Variants in LAPTM4B observed in about 807,000 individuals in gnomAD.
LAPTM4B encodes lysosomal protein transmembrane 4 beta.
A neutral mutation model predicts 28.5 loss-of-function variants in LAPTM4B; 26 were observed. The ratio of observed to expected loss-of-function variants is 0.91; its 90% CI spans 0.67 to 1.27. The LOEUF (loss-of-function observed/expected upper bound fraction) is 1.27, where lower values mean the gene tolerates loss of function less well. Ranked by LOEUF, LAPTM4B falls within the 50% of genes most tolerant of loss-of-function variation. The pLI, the probability that LAPTM4B is intolerant of heterozygous loss-of-function variation, is 0.00. For missense variants in LAPTM4B, 288 were observed against 285.8 expected (o/e 1.01, Z -0.06); for synonymous variants, 109 against 106.4 (o/e 1.02, Z -0.15).
At chr8:97,797,648 C>T (rs1332314503) in intron 1 of LAPTM4B, among the ~76,000 whole-genome samples, 2 of 152,012 alleles carry the variant, frequency 1.3e-5, no homozygotes, top group Non-Finnish European at 2.9e-5. Flanking sequence ...AATTTCTGAT[C>T]GTTGTTTAAT....
chr8:97,789,651 G>A (rs1012343878), intron 1 of LAPTM4B, among the ~76,000 whole-genome samples: 1 of 151,632 alleles, frequency 6.6e-6, no homozygotes, highest in African/African-American at 2.4e-5. Flanking sequence ...CCGAGTAGCT[G>A]GGATTACAGG....
intron 6 of LAPTM4B, among the ~76,000 whole-genome samples, chr8:97,835,463 G>A (rs1325191393): frequency 2.0e-5 from 3 of 152,184 alleles, no homozygotes; most frequent in Admixed American, 6.5e-5. Flanking sequence ...AAAGGAATGC[G>A]TAACGCAGAA....
chr8:97,831,881 G>C (rs1817188798), intron 6 of LAPTM4B, among the ~76,000 whole-genome samples: 1 of 152,190 alleles, frequency 6.6e-6, no homozygotes, highest in Non-Finnish European at 1.5e-5. Flanking sequence ...GGCTTTGGCT[G>C]TAAGGAGGGC....
At chr8:97,776,151 C>T (rs761326043) in intron 1 of LAPTM4B, 43 bp downstream of exon 1, 5 of 1,503,326 alleles carry the variant, frequency 3.3e-6, no homozygotes, top group East Asian at 5.3e-5. Context: ...GTTGCTTCCG[C>T]GCCCCTAGCT....
At chr8:97,842,825 G>C (rs2129849781) in intron 6 of LAPTM4B, among the ~76,000 whole-genome samples, 1 of 148,204 alleles carries the variant, frequency 6.7e-6, no homozygotes, top group Middle Eastern at 4.4e-3. Context: ...CCTAATCTTT[G>C]GGGTTTTTGT....
intron 6 of LAPTM4B, among the ~76,000 whole-genome samples, chr8:97,833,204 C>T (rs546491224): frequency 8.6e-5 from 13 of 151,944 alleles, no homozygotes; most frequent in African/African-American, 3.1e-4. Flanking sequence ...CGTGGTGGCA[C>T]ATGCCTGTAA....
At chr8:97,792,729 G>A (rs1816523130) in intron 1 of LAPTM4B, among the ~76,000 whole-genome samples, 1 of 151,954 alleles carries the variant, frequency 6.6e-6, no homozygotes, top group Admixed American at 6.6e-5. Context: ...ACAGGCTCCT[G>A]GCACCACACG....
rs1489168141 is a variant in LAPTM4B, at chr8:97,805,433, G to A, written c.180G>A (p.Leu60=). The A allele has an allele frequency of 6.2e-7, 1 of 1,610,958 alleles. No individual in the cohort carries two copies. Among genetic ancestry groups the A allele is most frequent in the Admixed American group, 1.7e-5 (1 of 59,784 alleles). Residue 60 remains leucine, a synonymous_variant, in exon 2 of 7, where the codon CTG becomes CTA. Coordinates refer to ENST00000521545, the MANE Select transcript of LAPTM4B (RefSeq NM_018407.6). The part of the protein sequence containing the change: ...PDQYNFSSSE[L]GGDFEFMDDA... ...AGTATAACTTTTCAAGTTCTGAACT[G>A]GGAGGTGACTTTGAGTTCATGGATG...
intron 6 of LAPTM4B, among the ~76,000 whole-genome samples, chr8:97,844,317 GA>G (rs1177938849): frequency 6.6e-6 from 1 of 152,070 alleles, no homozygotes; most frequent in Admixed American, 6.6e-5. Context: ...GGCTGGTCCT[GA>G]ACTCCTGGGC....
At chr8:97,814,968 A>G (rs1434165169) in intron 2 of LAPTM4B, among the ~76,000 whole-genome samples, 1 of 152,184 alleles carries the variant, frequency 6.6e-6, no homozygotes, top group Non-Finnish European at 1.5e-5. Context: ...TTGGGATTAT[A>G]GGTGTGAGCC....
At chr8:97,788,851 C>T (rs749457975) in intron 1 of LAPTM4B, among the ~76,000 whole-genome samples, 13 of 151,626 alleles carry the variant, frequency 8.6e-5, no homozygotes, top group South Asian at 6.3e-4. Context: ...TCTGTCACCA[C>T]GTCCGGCTAA....
In LAPTM4B at chr8:97,848,278, A is replaced by G. The variant is rs186415240; in HGVS notation, c.604-3119A>G. ...CTCTCTCGAAACAAAACAAAACCAA[A>G]GATTTAAAATGTTGATTTAAAATGA... On this transcript the variant is annotated intron_variant, in intron 6 of 6. Coordinates refer to ENST00000521545, the MANE Select transcript of LAPTM4B (RefSeq NM_018407.6). Among the ~76,000 whole-genome samples the G allele has an allele frequency of 2.0e-5, 3 of 152,332 alleles. No individual in the cohort carries two copies. The East Asian group carries it at 5.8e-4, about 29-fold the overall frequency.
intron 6 of LAPTM4B, among the ~76,000 whole-genome samples, chr8:97,836,542 A>AGT (rs1243236182): frequency 6.6e-6 from 1 of 152,118 alleles, no homozygotes; most frequent in African/African-American, 2.4e-5. Context: ...TAATACTAAT[A>AGT]AAGGCCCGGA....
chr8:97,784,180 A>G (rs1048137400), intron 1 of LAPTM4B, among the ~76,000 whole-genome samples: 3 of 152,092 alleles, frequency 2.0e-5, no homozygotes, highest in Non-Finnish European at 4.4e-5. Flanking sequence ...ATAGGTGGTG[A>G]TATGTTCTTT....
At chr8:97,811,570 GGA>G (rs1320573294) in intron 2 of LAPTM4B, among the ~76,000 whole-genome samples, 9 of 152,182 alleles carry the variant, frequency 5.9e-5, no homozygotes, top group African/African-American at 1.7e-4. Context: ...ATGAACCTGA[GGA>G]GGGCCGCCTT....
chr8:97,816,168 C>T lies in LAPTM4B; in HGVS notation c.396C>T (p.Tyr132=), dbSNP rs1816910373. The change falls in exon 4 of 7, where the codon TAC becomes TAT. Residue 132 remains tyrosine (Y), a synonymous_variant. Coordinates refer to ENST00000521545, the MANE Select transcript of LAPTM4B (RefSeq NM_018407.6). The part of the protein sequence containing the change: ...VLIYPNSIQE[Y]IRQLPPNFPY... Reference sequence around the variant, plus strand: ...TTTATCCAAACTCCATTCAGGAATACATACGGCAACTGGTACGTGGACCTC... The same window carrying T: ...TTTATCCAAACTCCATTCAGGAATATATACGGCAACTGGTACGTGGACCTC... 4.3e-6 allele frequency: 7 copies of T among 1,612,120 alleles called. No individual in the cohort carries two copies. The highest frequency in any genetic ancestry group is 5.9e-6 in the Non-Finnish European group (7 of 1,179,490).
chr8:97,807,560 A>G (rs1391402053), intron 2 of LAPTM4B, among the ~76,000 whole-genome samples: 1 of 152,188 alleles, frequency 6.6e-6, no homozygotes, highest in Non-Finnish European at 1.5e-5. Flanking sequence ...CATGTGAACC[A>G]TCTTAAAGTG....
At chr8:97,788,274 G>A (rs562102068) in intron 1 of LAPTM4B, 5 of 369,732 alleles carry the variant, frequency 1.4e-5, no homozygotes, top group African/African-American at 6.5e-5. Flanking sequence ...ATTACCAGTT[G>A]TTAATCTGAA....
chr8:97,834,144 G>GAAAAAAAAAAAA lies in LAPTM4B; in HGVS notation c.603+8994_603+9005dup, dbSNP rs554058157. Among the ~76,000 whole-genome samples, 137 of 75,292 alleles carry GAAAAAAAAAAAA rather than the reference G, an allele frequency of 1.8e-3. 16 individuals carry two copies. The highest frequency in any genetic ancestry group is 6.3e-3 in the Middle Eastern group (1 of 158). The allele number at this position is 75,292 out of a possible 152,430, so 49.4% of individuals were successfully genotyped here. On this transcript the variant is annotated intron_variant, in intron 6 of 6. Coordinates refer to ENST00000521545, the MANE Select transcript of LAPTM4B (RefSeq NM_018407.6). ...ACATAGTGAGACCCCTGTCTCTACAGAAAAAAAAAAAAAATCCAGGTGGCA... is the reference window on the plus strand; with the variant it reads ...ACATAGTGAGACCCCTGTCTCTACAGAAAAAAAAAAAAAAAAAAAAAAAAAATCCAGGTGGCA...
Sources: allele counts gnomAD v4.1 joint callset (sites outside exome capture counted in the v4.1 genomes callset), GRCh38; gene constraint gnomAD v4.1.1; transcripts MANE v1.5; gene names NCBI Gene and HGNC (gene_info 2026-07-23, HGNC 2026-07-21).